Variants in APMAP observed in about 807,000 individuals in gnomAD.
The protein encoded by APMAP is adipocyte plasma membrane-associated protein.
Under a neutral mutation model 43.6 loss-of-function variants are expected in APMAP, and 33 were observed. The ratio of observed to expected loss-of-function variants is 0.76; its 90% CI spans 0.57 to 1.01. The LOEUF (loss-of-function observed/expected upper bound fraction) is 1.01, where lower values mean the gene tolerates loss of function less well. Ranked by LOEUF, APMAP falls within the 50% of genes least tolerant of loss-of-function variation. The probability of loss-of-function intolerance (pLI) is 0.00; values close to 1 mark genes in which losing one functional copy is unlikely to be tolerated. For synonymous variants in APMAP, 224 were observed against 216.7 expected (o/e 1.03, Z -0.30); for missense variants, 498 against 540.7 (o/e 0.92, Z 0.78).
intron 2 of APMAP, among the ~76,000 whole-genome samples, chr20:24,983,157 A>C (rs1204921293): frequency 6.6e-6 from 1 of 152,258 alleles, no homozygotes; most frequent in Admixed American, 6.5e-5. Context: ...ATTTTTATGG[A>C]TAAAACACTA....
In APMAP at chr20:24,969,549, T is replaced by C. The variant is rs530680024; in HGVS notation, c.825A>G (p.Glu275=). The part of the protein sequence containing the change: ...SPAEDFVLVA[E]TTMARIRRVY... Reference sequence around the variant, plus strand: ...ACCTTCGTATCCTGGCCATGGTTGTTTCTGCCACCAGGACAAAGTCTTCTG... The same window carrying C: ...ACCTTCGTATCCTGGCCATGGTTGTCTCTGCCACCAGGACAAAGTCTTCTG... The change falls in exon 7 of 9, where the codon GAA becomes GAG. Residue 275 remains glutamate (E), a synonymous_variant. Transcript: ENST00000217456. 11 of 1,613,430 alleles carry C rather than the reference T, an allele frequency of 6.8e-6. No individual in the cohort carries two copies. The highest frequency in any genetic ancestry group is 2.7e-5 in the African/African-American group (2 of 75,050).
chr20:24,967,252 G>A lies in APMAP; in HGVS notation c.1041+1640C>T, dbSNP rs528841928. 6.8e-4 allele frequency among the ~76,000 whole-genome samples: 103 copies of A among 152,276 alleles called. 1 individual carries two copies. The highest frequency in any genetic ancestry group is 2.3e-3 in the African/African-American group (96 of 41,570). On this transcript the variant is annotated intron_variant, in intron 8 of 8. Transcript: ENST00000217456. ...AGAGGTTGCAGTGAGCCGAGATCAC[G>A]CCACTGCACTCCATCCTGGGTGACA...
chr20:24,963,725 A>G lies in APMAP; in HGVS notation c.*88T>C. ...GGTGCATGTGGACACTTGAACCACG[A>G]CTGTGTCCACAGCTCCTCCTGGACC... On this transcript the variant is annotated 3_prime_UTR_variant, in exon 9 of 9. Coordinates refer to ENST00000217456, the MANE Select transcript of APMAP (RefSeq NM_020531.3). 7.4e-7 allele frequency: 1 copy of G among 1,357,260 alleles called. No homozygotes were observed. Among genetic ancestry groups the G allele is most frequent in the Non-Finnish European group, 1.0e-6 (1 of 966,186 alleles). 84.1% of individuals were successfully genotyped at this position (1,357,260 alleles called of 1,614,324 possible).
chr20:24,985,096 A>G (rs1331938422), intron 1 of APMAP, among the ~76,000 whole-genome samples: 2 of 152,180 alleles, frequency 1.3e-5, no homozygotes, highest in Non-Finnish European at 2.9e-5. Flanking sequence ...TATGGTGTAG[A>G]AACATAAAGG....
At chr20:24,983,578 C>T (rs1440107845) in intron 2 of APMAP, among the ~76,000 whole-genome samples, 1 of 152,164 alleles carries the variant, frequency 6.6e-6, no homozygotes, top group African/African-American at 2.4e-5. Context: ...AATGAGGTAA[C>T]TGAAGCTCCA....
chr20:24,985,841 C>T (rs1045853621), intron 1 of APMAP, among the ~76,000 whole-genome samples: 6 of 152,068 alleles, frequency 3.9e-5, no homozygotes, highest in Non-Finnish European at 8.8e-5. Flanking sequence ...GGAAAAAAAA[C>T]CATTGCCTGG....
intron 8 of APMAP, among the ~76,000 whole-genome samples, chr20:24,968,327 G>A (rs565183892): frequency 6.6e-6 from 1 of 152,212 alleles, no homozygotes; most frequent in Non-Finnish European, 1.5e-5. Context: ...AAAGATTTGG[G>A]TGTGGTAAGA....
At chr20:24,989,343 C>T (rs963549170) in intron 1 of APMAP, among the ~76,000 whole-genome samples, 17 of 152,300 alleles carry the variant, frequency 1.1e-4, no homozygotes, top group Admixed American at 9.8e-4. Flanking sequence ...AAGGCAAGAG[C>T]ACAACCACAG....
At chr20:24,964,927 A>G (rs1396981089) in intron 8 of APMAP, among the ~76,000 whole-genome samples, 1 of 152,112 alleles carries the variant, frequency 6.6e-6, no homozygotes, top group Non-Finnish European at 1.5e-5. Context: ...AAAAATTCCC[A>G]AGGCTTCCCA....
chr20:24,978,735 A>G, intron 3 of APMAP, 32 bp downstream of exon 3: 19 of 858,196 alleles, frequency 2.2e-5, no homozygotes, highest in Non-Finnish European at 3.1e-5. Context: ...GACAGCCTGG[A>G]AGGCTCCCCC....
chr20:24,986,641 G>A (rs990734881), intron 1 of APMAP, among the ~76,000 whole-genome samples: 4 of 152,242 alleles, frequency 2.6e-5, no homozygotes, highest in African/African-American at 7.2e-5. Flanking sequence ...GCCAGGAAAA[G>A]AGGAATGGCA....
chr20:24,977,670 G>A lies in APMAP; in HGVS notation c.328+1097C>T, dbSNP rs193187617. Among the ~76,000 whole-genome samples, 48 of 152,314 alleles carry A rather than the reference G, an allele frequency of 3.2e-4. No individual in the cohort carries two copies. The East Asian group carries it at 3.5e-3, about 11-fold the overall frequency. Reference sequence around the variant, plus strand: ...ACAAAGTACAATGAGAAGTAACCCAGTGAAAAAGAAAAAGACAGGAAAGTG... The same window carrying A: ...ACAAAGTACAATGAGAAGTAACCCAATGAAAAAGAAAAAGACAGGAAAGTG... On this transcript the variant is annotated intron_variant, in intron 3 of 8. Transcript: ENST00000217456.
chr20:24,990,893 G>A (rs1183916003), intron 1 of APMAP, among the ~76,000 whole-genome samples: 1 of 152,032 alleles, frequency 6.6e-6, no homozygotes, highest in Non-Finnish European at 1.5e-5. Flanking sequence ...CAAACAAGAA[G>A]GACAAACACA....
intron 1 of APMAP, among the ~76,000 whole-genome samples, chr20:24,990,777 A>C (rs1472204853): frequency 1.3e-5 from 2 of 152,260 alleles, no homozygotes; most frequent in African/African-American, 2.4e-5. Flanking sequence ...CAGAAGAAAA[A>C]TAAGAAAAAC....
intron 1 of APMAP, among the ~76,000 whole-genome samples, chr20:24,987,585 G>A (rs1445200913): frequency 1.3e-5 from 2 of 152,102 alleles, no homozygotes; most frequent in African/African-American, 4.8e-5. Flanking sequence ...AAATATCACT[G>A]AACTGTGCAC....
At chr20:24,964,751 A>G (rs1252575051) in intron 8 of APMAP, among the ~76,000 whole-genome samples, 1 of 152,214 alleles carries the variant, frequency 6.6e-6, no homozygotes, top group Non-Finnish European at 1.5e-5. Flanking sequence ...GCCTAAGACC[A>G]AGGAATGGAA....
intron 7 of APMAP, 34 bp from the exon 8 acceptor site, chr20:24,969,118 A>C: frequency 6.5e-7 from 1 of 1,533,546 alleles, no homozygotes; most frequent in South Asian, 1.2e-5. Flanking sequence ...AGTGAACCAT[A>C]GCCCCTCAAT....
rs558228760 is a variant in APMAP at position 24,968,830 on chromosome 20, C to A, written c.1041+62G>T. 4.0e-6 allele frequency: 6 copies of A among 1,493,910 alleles called. No individual in the cohort carries two copies. The East Asian group carries it at 9.2e-5, about 23-fold the overall frequency. 92.5% of individuals were successfully genotyped at this position (1,493,910 alleles called of 1,614,324 possible). ...AACTAGATTTTTAAGCTATAAGGGT[C>A]AAAAAAATATGATTCAATTCATTTC... is the stretch of plus-strand genomic sequence containing the variant. On this transcript the variant is annotated intron_variant, in intron 8 of 8. Transcript: ENST00000217456.
rs777147178 is a variant in APMAP at position 24,963,921 on chromosome 20, A to G, written c.1143T>C (p.Asp381=). 2 of 1,614,214 alleles carry G rather than the reference A, an allele frequency of 1.2e-6. No individual in the cohort carries two copies. Among genetic ancestry groups the G allele is most frequent in the Admixed American group, 1.7e-5 (1 of 60,028 alleles). The change falls in exon 9 of 9, where the codon GAT becomes GAC. Residue 381 remains aspartate, a synonymous_variant. Coordinates refer to ENST00000217456, the MANE Select transcript of APMAP (RefSeq NM_020531.3). ...GAFRRSLHDP[D]GLVATYISEV... is the part of the protein sequence containing the mutation. ...CGCTGATGTAGGTGGCCACCAGCCC[A>G]TCGGGATCATGCAGGCTTCTCCGGA...
Sources: allele counts gnomAD v4.1 joint callset (sites outside exome capture counted in the v4.1 genomes callset), GRCh38; gene constraint gnomAD v4.1.1; transcripts MANE v1.5; gene names NCBI Gene and HGNC (gene_info 2026-07-23, HGNC 2026-07-21).